Variants in CDC45 observed in about 807,000 individuals in gnomAD.
CDC45 encodes the protein cell division control protein 45 homolog.
Under a neutral mutation model 77.8 loss-of-function variants are expected in CDC45, and 54 were observed. That is an observed-to-expected ratio of 0.69 (90% CI 0.56 to 0.87). The LOEUF is 0.87. Ranked by LOEUF, CDC45 falls within the 40% of genes least tolerant of loss-of-function variation. The pLI is 0.00. For synonymous variants in CDC45, 260 were observed against 272.1 expected, an observed-to-expected ratio of 0.96 and a Z score of 0.44; for missense variants, 649 against 721.6, an observed-to-expected ratio of 0.90 and a Z score of 1.15.
chr22:19,483,546 G>A (rs971984543), intron 4 of CDC45, among the ~76,000 whole-genome samples: 1 of 152,202 alleles, frequency 6.6e-6, no homozygotes, highest in Non-Finnish European at 1.5e-5. Flanking sequence ...CAAGTTGTGG[G>A]GCGTTCATTT....
At chr22:19,497,559 G>A in intron 8 of CDC45, 112 bp downstream of exon 8, 1 of 858,708 alleles carries the variant, frequency 1.2e-6, no homozygotes, top group Non-Finnish European at 1.9e-6. Flanking sequence ...CACCAGGAGT[G>A]TCAGATGCAG....
At chr22:19,506,199 G>A (rs1479985217) in intron 10 of CDC45, among the ~76,000 whole-genome samples, 2 of 152,206 alleles carry the variant, frequency 1.3e-5, no homozygotes, top group African/African-American at 4.8e-5. Flanking sequence ...TCTCTGCACT[G>A]TGATGGCTGG....
intron 5 of CDC45, among the ~76,000 whole-genome samples, chr22:19,489,886 C>T (rs1285973289): frequency 6.6e-6 from 1 of 152,132 alleles, no homozygotes; most frequent in Non-Finnish European, 1.5e-5. Flanking sequence ...CATTGAAGAC[C>T]CCAACTCTGA....
At chr22:19,501,279 G>A (rs1029617958) in intron 9 of CDC45, among the ~76,000 whole-genome samples, 1 of 152,228 alleles carries the variant, frequency 6.6e-6, no homozygotes, top group Non-Finnish European at 1.5e-5. Context: ...ACTGTTCGGT[G>A]GGCAGGACCT....
At chr22:19,491,426 T>A (rs2090151639) in intron 5 of CDC45, among the ~76,000 whole-genome samples, 1 of 151,504 alleles carries the variant, frequency 6.6e-6, no homozygotes, top group African/African-American at 2.4e-5. Flanking sequence ...TCTTTGAGAA[T>A]TTCTTGATTT....
chr22:19,499,050 A>G, intron 8 of CDC45, 51 bp from the exon 9 acceptor site: 2 of 1,583,862 alleles, frequency 1.3e-6, no homozygotes, highest in South Asian at 1.1e-5. Context: ...CCCAGGCCTC[A>G]TTGAGCCCAG....
intron 12 of CDC45, among the ~76,000 whole-genome samples, chr22:19,508,068 A>G (rs1439039152): frequency 6.6e-6 from 1 of 152,128 alleles, no homozygotes; most frequent in East Asian, 1.9e-4. Context: ...TTTTTGGGTT[A>G]AAAATAAGAC....
chr22:19,499,800 A>G (rs1261103443), intron 9 of CDC45, among the ~76,000 whole-genome samples: 1 of 152,160 alleles, frequency 6.6e-6, no homozygotes, highest in Non-Finnish European at 1.5e-5. Flanking sequence ...TCTCTTAGGG[A>G]TTGGCATGGA....
At chr22:19,498,574 T>C (rs181170733) in intron 8 of CDC45, among the ~76,000 whole-genome samples, 1 of 152,324 alleles carries the variant, frequency 6.6e-6, no homozygotes, top group Non-Finnish European at 1.5e-5. Flanking sequence ...ACCAGAGGCC[T>C]AAACACTGCT....
Position 19,484,530 on chromosome 22 carries a change from C to T in CDC45, c.486+525C>T, listed in dbSNP as rs13447206. On this transcript the variant is annotated intron_variant, in intron 5 of 18. Coordinates refer to ENST00000263201, the MANE Select transcript of CDC45 (RefSeq NM_003504.5). ...GGGCCCAGTGGCCTACCCAACACTA[C>T]GGCTTCTGCAAGATGTAAAATGACA... Among the ~76,000 whole-genome samples the T allele has an allele frequency of 1.1e-3, 166 of 152,302 alleles. 1 individual carries two copies. Among genetic ancestry groups the T allele is most frequent in the African/African-American group, 3.7e-3 (154 of 41,560 alleles).
At chr22:19,519,262 A>T (rs776031101) in intron 18 of CDC45, among the ~76,000 whole-genome samples, 1 of 152,198 alleles carries the variant, frequency 6.6e-6, no homozygotes, top group African/African-American at 2.4e-5. Context: ...CTCCTGTCCC[A>T]CAGCCTTCGT....
intron 5 of CDC45, among the ~76,000 whole-genome samples, chr22:19,489,844 G>T (rs1047454426): frequency 6.6e-6 from 1 of 152,130 alleles, no homozygotes; most frequent in Admixed American, 6.6e-5. Context: ...TGCTTTTCTG[G>T]CTAGTAATAC....
intron 15 of CDC45, among the ~76,000 whole-genome samples, chr22:19,515,790 G>T (rs956805258): frequency 3.9e-5 from 6 of 152,232 alleles, no homozygotes; most frequent in African/African-American, 1.4e-4. Flanking sequence ...TGAGGTAGAT[G>T]ATCTGACCTG....
In CDC45 at chr22:19,494,348, C is replaced by T. The variant is rs374053511; in HGVS notation, c.508C>T (p.Arg170Trp). ...LEEEIVEQTM[R>W]RRQRREWEAR... ...TCAGGAGATAGTGGAGCAAACCATG[C>T]GGAGGAGGCAGCGGCGAGAGTGGGA... The change falls in exon 6 of 19, where the codon CGG becomes TGG. Residue 170 changes from arginine to tryptophan, a missense_variant. Physicochemically the swap from Arg to Trp is moderately radical, Grantham distance 101. Coordinates refer to ENST00000263201, the MANE Select transcript of CDC45 (RefSeq NM_003504.5). The T allele has an allele frequency of 1.2e-5, 20 of 1,612,870 alleles. No homozygotes were observed. The African/African-American group carries it at 1.9e-4, about 15-fold the overall frequency.
intron 17 of CDC45, among the ~76,000 whole-genome samples, chr22:19,517,995 G>T (rs1306326993): frequency 6.6e-6 from 1 of 152,224 alleles, no homozygotes; most frequent in East Asian, 1.9e-4. Context: ...AGCCTTTGTT[G>T]AAGTGGCGTC....
intron 5 of CDC45, among the ~76,000 whole-genome samples, chr22:19,488,102 G>T (rs952577403): frequency 4.6e-5 from 7 of 152,152 alleles, no homozygotes; most frequent in African/African-American, 1.7e-4. Context: ...CAGGTCACGG[G>T]TTTCAAATTT....
intron 17 of CDC45, among the ~76,000 whole-genome samples, chr22:19,518,206 C>T (rs1933908409): frequency 6.6e-6 from 1 of 152,200 alleles, no homozygotes; most frequent in Non-Finnish European, 1.5e-5. Flanking sequence ...CTTGGTTTCC[C>T]TGAGGGTGGA....
At chr22:19,493,229 T>G (rs1252489886) in intron 5 of CDC45, among the ~76,000 whole-genome samples, 1 of 119,086 alleles carries the variant, frequency 8.4e-6, no homozygotes, top group Non-Finnish European at 1.7e-5. Context: ...TTTTGTGGGT[T>G]TTTTTTTTTG....
chr22:19,504,312 T>C (rs181706114), intron 9 of CDC45, among the ~76,000 whole-genome samples: 1 of 152,204 alleles, frequency 6.6e-6, no homozygotes, highest in Non-Finnish European at 1.5e-5. Context: ...TGTTTGTTTG[T>C]TTTTGAGATG....
Sources: gnomAD v4.1 joint callset for allele counts (sites outside exome capture counted in the v4.1 genomes callset) on GRCh38, gnomAD v4.1.1 for gene constraint, MANE v1.5 for transcripts, NCBI Gene and HGNC (gene_info 2026-07-23, HGNC 2026-07-21) for gene names.